Variants in DACT2 observed in about 807,000 individuals in gnomAD.
The protein encoded by DACT2 is dapper homolog 2.
In DACT2, 20 loss-of-function variants were observed where a neutral mutation model predicts 22.2. That is an observed-to-expected ratio of 0.90 (90% confidence interval 0.63 to 1.31). DACT2 has a LOEUF of 1.31. Ranked by LOEUF, DACT2 falls within the 50% of genes most tolerant of loss-of-function variation. The probability of loss-of-function intolerance (pLI) is 0.00; values close to 1 mark genes in which losing one functional copy is unlikely to be tolerated. For missense variants in DACT2, 1,048 were observed against 1,061.4 expected (o/e 0.99, Z 0.18); for synonymous variants, 463 against 479.8 (o/e 0.96, Z 0.46).
downstream of DACT2, among the ~76,000 whole-genome samples, chr6:168,305,445 C>T (rs1427913424): frequency 6.6e-6 from 1 of 152,336 alleles, no homozygotes; most frequent in East Asian, 1.9e-4. Flanking sequence ...GCCTGCAACA[C>T]GGAGTCGGAG....
At chr6:168,298,622 A>G (rs924315516) in intron 3 of DACT2, 2 of 152,236 alleles carry the variant, frequency 1.3e-5, no homozygotes, top group Non-Finnish European at 2.9e-5. Context: ...AATTCCATCC[A>G]TTCCTTCACG....
intron 1 of DACT2, among the ~76,000 whole-genome samples, chr6:168,319,150 G>T (rs1485508479): frequency 2.0e-5 from 3 of 152,164 alleles, no homozygotes; most frequent in Non-Finnish European, 1.5e-5. Context: ...GCGGAGCGCG[G>T]GCTGCAGCCC....
chr6:168,309,156 GATTTC>G (rs1779323044), intron 3 of DACT2, 58 bp from the exon 4 acceptor site: 4 of 1,448,338 alleles, frequency 2.8e-6, no homozygotes, highest in African/African-American at 1.4e-5. Context: ...GTGCACTGTT[GATTTC>G]ATTTCATGCG....
chr6:168,303,253 C>T (rs770012204), downstream of DACT2, among the ~76,000 whole-genome samples: 2 of 152,136 alleles, frequency 1.3e-5, no homozygotes, highest in Non-Finnish European at 2.9e-5. Flanking sequence ...GAGGGCTCTG[C>T]TATGGTTTGC....
intron 3 of DACT2, chr6:168,299,848 G>C (rs1447293933): frequency 7.2e-5 from 11 of 152,316 alleles, no homozygotes; most frequent in Non-Finnish European, 1.6e-4. Context: ...GTCATTGCAG[G>C]AAGTCCCTAG....
chr6:168,295,813 C>A (rs190093012), intron 3 of DACT2, among the ~76,000 whole-genome samples: 5 of 152,322 alleles, frequency 3.3e-5, no homozygotes, highest in Admixed American at 2.6e-4. Flanking sequence ...GGCTGAGAGT[C>A]GTTATCAAGC....
At position 168,311,162 on chromosome 6, in the gene DACT2, C is replaced by A; in HGVS notation, c.369G>T (p.Arg123Ser). ...ASGEALDSDS[R>S]PSSGFYEMSD... is the part of the protein sequence containing the mutation. The stretch of plus-strand genomic sequence containing the variant: ...AGGGCGCCCTGGTACCTGAGCTGGG[C>A]CTGCTGTCGCTGTCCAGGGCCTCCC... Residue 123 changes from arginine (R) to serine (S), a missense_variant, in exon 2 of 4, where the codon AGG becomes AGT. Transcript: ENST00000366795. 1 of 1,531,338 alleles carries A rather than the reference C, an allele frequency of 6.5e-7. No homozygotes were observed. Among genetic ancestry groups the A allele is most frequent in the Non-Finnish European group, 8.8e-7 (1 of 1,134,238 alleles). 94.9% of individuals were successfully genotyped at this position (1,531,338 alleles called of 1,614,324 possible).
intron 3 of DACT2, chr6:168,298,076 AATG>A (rs1025564007): frequency 7.9e-5 from 12 of 152,236 alleles, no homozygotes; most frequent in Non-Finnish European, 1.8e-4. Flanking sequence ...ACATTGGAAA[AATG>A]ATGACATTTA....
chr6:168,295,940 T>G (rs9295056), intron 3 of DACT2, among the ~76,000 whole-genome samples: 2 of 148,132 alleles, frequency 1.4e-5, no homozygotes, highest in African/African-American at 2.6e-5. Flanking sequence ...CCCAGGTAGC[T>G]GGAGCCAGCA....
intron 1 of DACT2, among the ~76,000 whole-genome samples, chr6:168,314,606 G>C (rs1779502349): frequency 6.6e-6 from 1 of 152,184 alleles, no homozygotes; most frequent in Non-Finnish European, 1.5e-5. Context: ...ACAAGAGAAT[G>C]ACCTGATTTC....
At chr6:168,309,537 G>A (rs1007607219) in intron 3 of DACT2, among the ~76,000 whole-genome samples, 1 of 152,018 alleles carries the variant, frequency 6.6e-6, no homozygotes, top group Non-Finnish European at 1.5e-5. Context: ...AGAGTGCATG[G>A]GCAGGGAGAA....
At chr6:168,310,879 T>C (rs936004856) in intron 2 of DACT2, among the ~76,000 whole-genome samples, 3 of 152,130 alleles carry the variant, frequency 2.0e-5, no homozygotes. Context: ...GCCACAGGCC[T>C]CCTGAGTGCA....
Position 168,309,040 on chromosome 6 carries a change from G to A in DACT2, c.717C>T (p.Ala239=), listed in dbSNP as rs1190299233. The A allele has an allele frequency of 6.5e-6, 10 of 1,544,118 alleles. No homozygotes were observed. In the East Asian group the frequency reaches 7.3e-5, roughly 11 times the overall value. ...CCTGGCAGAGGAGCCCGAGGAGCTCGGCGTCCGCGCTGGCTTTCTGGAGCC... is the reference window on the plus strand; with the variant it reads ...CCTGGCAGAGGAGCCCGAGGAGCTCAGCGTCCGCGCTGGCTTTCTGGAGCC... ...DTGLQKASAD[A]ELLGLLCQGV... The change falls in exon 4 of 4, where the codon GCC becomes GCT. Residue 239 remains alanine, a synonymous_variant. Coordinates refer to ENST00000366795, the MANE Select transcript of DACT2 (RefSeq NM_214462.5).
intron 3 of DACT2, chr6:168,299,970 C>G (rs1471671155): frequency 6.6e-6 from 1 of 152,196 alleles, no homozygotes; most frequent in African/African-American, 2.4e-5. Context: ...TCTACAGGGA[C>G]CCTCAGGGTC....
chr6:168,310,051 G>C, intron 3 of DACT2, 117 bp downstream of exon 3: 2 of 1,441,736 alleles, frequency 1.4e-6, no homozygotes, highest in Admixed American at 5.9e-5. Context: ...GCGTCCCTTA[G>C]AGCCTGACAG....
intron 3 of DACT2, chr6:168,298,527 T>G (rs1779045738): frequency 6.6e-6 from 1 of 152,222 alleles, no homozygotes; most frequent in Non-Finnish European, 1.5e-5. Context: ...CTGTTATGCT[T>G]TATTTTAACA....
Position 168,307,539 on chromosome 6 carries a change from G to A in DACT2, c.2218C>T (p.Leu740Phe), listed in dbSNP as rs539288457. Residue 740 changes from leucine to phenylalanine, a missense_variant, in exon 4 of 4, where the codon CTC becomes TTC. By Grantham distance (22) the Leu-to-Phe change is conservative. Coordinates refer to ENST00000366795, the MANE Select transcript of DACT2 (RefSeq NM_214462.5). The surrounding 1 kb of genome is among the most constrained non-coding windows in gnomAD (Gnocchi z 5.3). ...CACAGCTTGGGCACGGGGGACAGGA[G>A]TGGCCCCGAGCTGACCGGGGCCTCC... The part of the protein sequence containing the change: ...TQEAPVSSGP[L>F]LSPVPKLCRI... The A allele has an allele frequency of 5.8e-6, 9 of 1,551,508 alleles. No homozygotes were observed. In the East Asian group the frequency reaches 1.5e-4, roughly 25 times the overall value.
At chr6:168,294,331 G>T (rs76770511) in intron 4 of DACT2, 3 of 679,036 alleles carry the variant, frequency 4.4e-6, no homozygotes, top group East Asian at 2.7e-5. Flanking sequence ...GGACGGCCAC[G>T]CTTCTCCCCT....
At chr6:168,318,716 G>A (rs961114253) in intron 1 of DACT2, among the ~76,000 whole-genome samples, 5 of 152,098 alleles carry the variant, frequency 3.3e-5, no homozygotes, top group Non-Finnish European at 5.9e-5. Flanking sequence ...GGTTCAGAGC[G>A]CCCAGGGAGT....
Sources: gnomAD v4.1 joint callset for allele counts (sites outside exome capture counted in the v4.1 genomes callset) on GRCh38, gnomAD v4.1.1 for gene constraint, Gnocchi (gnomAD v3.1) non-coding constraint, MANE v1.5 for transcripts, NCBI Gene and HGNC (gene_info 2026-07-23, HGNC 2026-07-21) for gene names.